The following CALN1 variants were observed in gnomAD, a reference collection of about 807,000 sequenced individuals.
The protein encoded by CALN1 is calcium-binding protein 8.
A neutral mutation model predicts 30.6 loss-of-function variants in CALN1; 17 were observed. The ratio of observed to expected loss-of-function variants is 0.56; its 90% CI spans 0.38 to 0.83. CALN1 has a LOEUF of 0.83. CALN1 is among the 40% of genes least tolerant of loss of function. The pLI is 0.00. For synonymous variants in CALN1, 156 were observed against 131.4 expected, an observed-to-expected ratio of 1.19 and a Z score of -1.28; for missense variants, 291 against 354.9, an observed-to-expected ratio of 0.82 and a Z score of 1.45.
intron 2 of CALN1, among the ~76,000 whole-genome samples, chr7:72,308,371 G>C (rs1218546339): frequency 3.2e-5 from 3 of 94,116 alleles, no homozygotes; most frequent in Non-Finnish European, 6.5e-5. Flanking sequence ...CTGTGGGGGG[G>C]GGAGAGAGAG....
At chr7:72,314,103 A>T (rs1562875097) in intron 2 of CALN1, among the ~76,000 whole-genome samples, 1 of 152,098 alleles carries the variant, frequency 6.6e-6, no homozygotes, top group Non-Finnish European at 1.5e-5. Context: ...GGCCCAGCAC[A>T]GGGCTGGAGT....
At chr7:72,073,566 A>G (rs536096963) in intron 4 of CALN1, among the ~76,000 whole-genome samples, 1 of 152,292 alleles carries the variant, frequency 6.6e-6, no homozygotes, top group East Asian at 1.9e-4. Flanking sequence ...GGGGAGGGGA[A>G]TAATAAAAGT....
the CALN1 span, among the ~76,000 whole-genome samples, chr7:72,499,915 A>T: frequency 0.093 from 1,862 of 20,030 alleles, 292 homozygotes; most frequent in African/African-American, 0.32. Context: ...CTTTCTTTCT[A>T]TCTTTCTCTT....
At chr7:71,810,263 C>T in intron 6 of CALN1, 73 bp downstream of exon 6, 1 of 1,499,986 alleles carries the variant, frequency 6.7e-7, no homozygotes, top group Non-Finnish European at 9.0e-7. Context: ...TGTGTGAACG[C>T]ATTTTTCATA....
intron 2 of CALN1, among the ~76,000 whole-genome samples, chr7:72,319,981 C>T (rs1211917490): frequency 1.3e-5 from 2 of 152,112 alleles, no homozygotes; most frequent in East Asian, 3.9e-4. Context: ...TGGTGAAACC[C>T]AGACTCTACT....
At chr7:72,211,874 A>C (rs1034554164) in intron 3 of CALN1, among the ~76,000 whole-genome samples, 2 of 152,084 alleles carry the variant, frequency 1.3e-5, no homozygotes, top group African/African-American at 4.8e-5. Context: ...TTGTGCAGAG[A>C]ATTAAAGAAG....
At chr7:72,271,013 A>G (rs1298698067) in intron 3 of CALN1, among the ~76,000 whole-genome samples, 2 of 152,200 alleles carry the variant, frequency 1.3e-5, no homozygotes, top group African/African-American at 2.4e-5. Flanking sequence ...GTCAAGATAT[A>G]TGGGACTAAA....
chr7:72,475,300 A>G, the CALN1 span, among the ~76,000 whole-genome samples: 1 of 152,024 alleles, frequency 6.6e-6, no homozygotes, highest in Non-Finnish European at 1.5e-5. Context: ...CTAAAAATAC[A>G]AAAAATTAGC....
intron 2 of CALN1, among the ~76,000 whole-genome samples, chr7:72,316,337 C>A (rs907325924): frequency 1.4e-5 from 2 of 145,744 alleles, no homozygotes; most frequent in African/African-American, 5.0e-5. Context: ...ACGGTTTTTG[C>A]CATTGAAAGT....
intron 1 of CALN1, among the ~76,000 whole-genome samples, chr7:72,417,852 T>C (rs1166094360): frequency 6.6e-6 from 1 of 152,190 alleles, no homozygotes; most frequent in African/African-American, 2.4e-5. Flanking sequence ...CCTTGTGTTT[T>C]GAGCCCCATG....
At chr7:72,058,646 C>G (rs1025639764) in intron 4 of CALN1, among the ~76,000 whole-genome samples, 4 of 152,052 alleles carry the variant, frequency 2.6e-5, no homozygotes, top group Non-Finnish European at 5.9e-5. Context: ...AGAGAACACC[C>G]AAGAGTGTCT....
At chr7:71,938,708 T>G (rs1185653704) in intron 5 of CALN1, among the ~76,000 whole-genome samples, 1 of 151,978 alleles carries the variant, frequency 6.6e-6, no homozygotes, top group Non-Finnish European at 1.5e-5. Context: ...GGCAGGAGAA[T>G]CACTTGAAAC....
chr7:72,112,015 T>G (rs951890596), intron 3 of CALN1, among the ~76,000 whole-genome samples: 1 of 152,096 alleles, frequency 6.6e-6, no homozygotes, highest in East Asian at 1.9e-4. Flanking sequence ...CTTCCCAAAG[T>G]GCTAGGATAA....
At chr7:72,005,020 A>T (rs982042066) in intron 5 of CALN1, among the ~76,000 whole-genome samples, 10 of 152,210 alleles carry the variant, frequency 6.6e-5, no homozygotes, top group African/African-American at 2.4e-4. Context: ...AGAAAACCTG[A>T]ATCACTCATA....
chr7:72,220,666 A>C (rs2129549448), intron 3 of CALN1, among the ~76,000 whole-genome samples: 1 of 152,258 alleles, frequency 6.6e-6, no homozygotes, highest in African/African-American at 2.4e-5. Context: ...CCAACAGTGT[A>C]AAAGTGTTCC....
intron 3 of CALN1, among the ~76,000 whole-genome samples, chr7:72,249,961 G>A (rs12699128): frequency 0.36 from 34,863 of 96,894 alleles, 5,281 homozygotes; most frequent in South Asian, 0.49. Flanking sequence ...AAAAAAAAAA[G>A]AGAGAGAGAG....
chr7:72,389,521 C>A (rs772618679), intron 2 of CALN1, among the ~76,000 whole-genome samples: 1 of 152,310 alleles, frequency 6.6e-6, no homozygotes, highest in African/African-American at 2.4e-5. Flanking sequence ...GCTTTCACTG[C>A]CCGTGAAGCA....
chr7:72,054,979 G>C (rs1803159861), intron 4 of CALN1, among the ~76,000 whole-genome samples: 1 of 152,184 alleles, frequency 6.6e-6, no homozygotes, highest in Non-Finnish European at 1.5e-5. Flanking sequence ...TGGAGACTAA[G>C]ATCCCTGAGG....
At chr7:72,247,936 G>A (rs1006468204) in intron 3 of CALN1, among the ~76,000 whole-genome samples, 1 of 152,200 alleles carries the variant, frequency 6.6e-6, no homozygotes, top group Non-Finnish European at 1.5e-5. Context: ...GTTCCAGGTT[G>A]CAGTGAGCTA....
Sources: gnomAD v4.1 joint callset for allele counts (sites outside exome capture counted in the v4.1 genomes callset) on GRCh38, gnomAD v4.1.1 for gene constraint, MANE v1.5 for transcripts, NCBI Gene and HGNC (gene_info 2026-07-23, HGNC 2026-07-21) for gene names.